AFF1: variants seen among roughly 807,000 people sequenced by gnomAD.
The protein encoded by AFF1 is ALF transcription elongation factor 1.
AFF1 carries 48 observed loss-of-function variants against 121.7 expected under a neutral mutation model. That is an observed-to-expected ratio of 0.39 (90% CI 0.31 to 0.50). The LOEUF (loss-of-function observed/expected upper bound fraction) is 0.50, where lower values mean the gene tolerates loss of function less well. Among genes scored for constraint, AFF1 ranks in the 20% least tolerant of loss-of-function variants. The probability of loss-of-function intolerance (pLI) is 0.76; values close to 1 mark genes in which losing one functional copy is unlikely to be tolerated. For synonymous variants in AFF1, 613 were observed against 563.0 expected (o/e 1.09, Z -1.26); for missense variants, 1,523 against 1,511.7 (o/e 1.01, Z -0.12).
At chr4:86,997,717 GT>G (rs1725325136) in intron 2 of AFF1, among the ~76,000 whole-genome samples, 1 of 151,030 alleles carries the variant, frequency 6.6e-6, no homozygotes, top group Admixed American at 6.6e-5. Flanking sequence ...AGCCAAGATT[GT>G]GCCACTGCGC....
intron 4 of AFF1, among the ~76,000 whole-genome samples, chr4:87,064,479 C>T (rs558046930): frequency 1.3e-4 from 20 of 152,300 alleles, no homozygotes; most frequent in African/African-American, 4.8e-4. Context: ...CAGTGGCTCA[C>T]GCCTGTAATC....
In AFF1 at chr4:87,073,704, T is replaced by A. The variant is rs3755989; in HGVS notation, c.1060-10416T>A. Among the ~76,000 whole-genome samples the A allele has an allele frequency of 1.1e-3, 167 of 152,348 alleles. 1 individual carries two copies. In the East Asian group the frequency reaches 0.025, roughly 23 times the overall value. On this transcript the variant is annotated intron_variant, in intron 4 of 20. Transcript: ENST00000395146. ...GCCTCATCCAGAAACTGATACAAAG[T>A]TGTTTTTTTCTTCTTCCTTTTTCTG... is the stretch of plus-strand genomic sequence containing the variant.
intron 17 of AFF1, among the ~76,000 whole-genome samples, chr4:87,131,534 C>T (rs770208584): frequency 2.0e-5 from 3 of 152,214 alleles, no homozygotes; most frequent in Non-Finnish European, 4.4e-5. Flanking sequence ...TACTTACCTA[C>T]ATTTCAACAG....
At chr4:86,948,695 T>C in intron 2 of AFF1, 124 bp downstream of exon 2, 1 of 910,214 alleles carries the variant, frequency 1.1e-6, no homozygotes. Flanking sequence ...AGAAAATGTT[T>C]GAAATTTTCA....
chr4:86,949,400 C>T (rs1721106189), intron 2 of AFF1, among the ~76,000 whole-genome samples: 1 of 150,716 alleles, frequency 6.6e-6, no homozygotes, highest in Admixed American at 6.6e-5. Context: ...CAGGCGTGAG[C>T]CTCTGCGCTA....
chr4:87,102,281 G>A (rs1300481622), intron 8 of AFF1, among the ~76,000 whole-genome samples: 1 of 152,164 alleles, frequency 6.6e-6, no homozygotes, highest in Non-Finnish European at 1.5e-5. Flanking sequence ...AATGAAACTT[G>A]TTATTTGACC....
At position 87,047,219 on chromosome 4, in the gene AFF1, T is replaced by G. The variant is rs779419396; in HGVS notation, c.684T>G (p.Leu228=). Residue 228 remains leucine (L), a synonymous_variant, in exon 4 of 21, where the codon CTT becomes CTG. Coordinates refer to ENST00000395146, the MANE Select transcript of AFF1 (RefSeq NM_001166693.3). The stretch of plus-strand genomic sequence containing the variant: ...CTATACATTCCAACCAGCAAACTCT[T>G]CCCCGGACGCAAGGAAGCAGCAAGG... ...LSPIHSNQQT[L]PRTQGSSKVH... The G allele has an allele frequency of 1.9e-6, 3 of 1,613,796 alleles. No homozygotes were observed. In the African/African-American group the frequency reaches 4.0e-5, roughly 22 times the overall value.
chr4:86,962,107 G>A (rs1327397586), intron 2 of AFF1, among the ~76,000 whole-genome samples: 6 of 151,554 alleles, frequency 4.0e-5, no homozygotes, highest in African/African-American at 1.2e-4. Flanking sequence ...GGGTATGCAC[G>A]AGCTGAGATA....
rs1729353092 is a variant in AFF1 at position 87,136,985 on chromosome 4, T to C, written c.*1284T>C. 4.5e-6 allele frequency: 1 copy of C among 221,478 alleles called. No individual in the cohort carries two copies. The highest frequency in any genetic ancestry group is 9.0e-6 in the Non-Finnish European group (1 of 110,536). The allele number at this position is 221,478 out of a possible 1,614,324, so 13.7% of individuals were successfully genotyped here. ...GGAGGAACTGTGGCCCTCCGTAAGT[T>C]ATTGCCATAGTGTATGCATTAAACC... On this transcript the variant is annotated 3_prime_UTR_variant, in exon 21 of 21. Transcript: ENST00000395146.
At chr4:86,987,132 C>T (rs1020638935) in intron 2 of AFF1, among the ~76,000 whole-genome samples, 17 of 152,248 alleles carry the variant, frequency 1.1e-4, no homozygotes, top group African/African-American at 4.1e-4. Context: ...AAACTGAAAA[C>T]CCTTATCCTG....
intron 2 of AFF1, among the ~76,000 whole-genome samples, chr4:87,023,136 G>A (rs904461965): frequency 1.3e-5 from 2 of 152,036 alleles, no homozygotes; most frequent in African/African-American, 4.8e-5. Flanking sequence ...CTTGAACTCA[G>A]GTGATCCTAC....
chr4:86,937,864 C>T lies in AFF1; in HGVS notation c.-37+2624C>T, dbSNP rs72667729. Among the ~76,000 whole-genome samples, 114 of 152,306 alleles carry T rather than the reference C, an allele frequency of 7.5e-4. 1 individual carries two copies. The highest frequency in any genetic ancestry group is 1.4e-3 in the Non-Finnish European group (97 of 68,028). Reference sequence around the variant, plus strand: ...CAAGCAGTCCTCCCACTTTTGCCTCCTCAAGTGCTGAGATTACAGGTGGAA... The same window carrying T: ...CAAGCAGTCCTCCCACTTTTGCCTCTTCAAGTGCTGAGATTACAGGTGGAA... On this transcript the variant is annotated intron_variant, in intron 1 of 20. Transcript: ENST00000395146.
At chr4:87,067,356 T>G (rs236681) in intron 4 of AFF1, among the ~76,000 whole-genome samples, 59,527 of 152,076 alleles carry the variant, frequency 0.39, 11,859 homozygotes, top group Middle Eastern at 0.42. Flanking sequence ...GGATAACTTC[T>G]ACAAACATCT....
At chr4:87,067,039 A>T (rs1172141415) in intron 4 of AFF1, among the ~76,000 whole-genome samples, 2 of 152,250 alleles carry the variant, frequency 1.3e-5, no homozygotes, top group East Asian at 3.8e-4. Context: ...AATTATTAAA[A>T]GTTACAGAAT....
intron 2 of AFF1, among the ~76,000 whole-genome samples, chr4:86,994,956 C>T (rs1178004138): frequency 1.3e-5 from 2 of 152,054 alleles, no homozygotes; most frequent in Non-Finnish European, 2.9e-5. Context: ...AAACTGTCTC[C>T]AGGCCAGGCA....
intron 2 of AFF1, among the ~76,000 whole-genome samples, chr4:86,970,848 C>A (rs1475834213): frequency 6.6e-6 from 1 of 152,026 alleles, no homozygotes; most frequent in East Asian, 1.9e-4. Context: ...GCAGTGTGTG[C>A]TTTGTATTTT....
At chr4:87,082,584 GA>G (rs1723283425) in intron 4 of AFF1, among the ~76,000 whole-genome samples, 1 of 151,710 alleles carries the variant, frequency 6.6e-6, no homozygotes, top group Non-Finnish European at 1.5e-5. Flanking sequence ...ACTGGGTTAC[GA>G]GACTGGCTAA....
intron 2 of AFF1, among the ~76,000 whole-genome samples, chr4:86,977,719 C>T (rs556229020): frequency 6.6e-6 from 1 of 152,332 alleles, no homozygotes; most frequent in South Asian, 2.1e-4. Context: ...CTCATCTTTA[C>T]ATCCCATTGC....
chr4:87,088,936 G>A (rs559017756), intron 5 of AFF1, among the ~76,000 whole-genome samples: 12 of 152,168 alleles, frequency 7.9e-5, no homozygotes, highest in Middle Eastern at 3.4e-3. Context: ...GTAGATATGG[G>A]GTTTTTCCAT....
Sources: gnomAD v4.1 joint callset for allele counts (sites outside exome capture counted in the v4.1 genomes callset) on GRCh38, gnomAD v4.1.1 for gene constraint, MANE v1.5 for transcripts, NCBI Gene and HGNC (gene_info 2026-07-23, HGNC 2026-07-21) for gene names.